The following CAMK2A variants were observed in gnomAD, a reference collection of about 807,000 sequenced individuals.
The protein encoded by CAMK2A is calcium/calmodulin dependent protein kinase II alpha, also known as calcium/calmodulin-dependent protein kinase type II subunit alpha.
Under a neutral mutation model 79.2 loss-of-function variants are expected in CAMK2A, and 7 were observed. The ratio of observed to expected loss-of-function variants is 0.09; its 90% CI spans 0.05 to 0.17. The LOEUF (loss-of-function observed/expected upper bound fraction) is 0.17, where lower values mean the gene tolerates loss of function less well. CAMK2A is among the 10% of genes least tolerant of loss of function. CAMK2A has a pLI of 1.00. For synonymous variants in CAMK2A, 242 were observed against 251.7 expected (o/e 0.96, Z 0.36); for missense variants, 214 against 646.4 (o/e 0.33, Z 7.25).
chr5:150,286,547 G>A (rs1757432842), intron 1 of CAMK2A, among the ~76,000 whole-genome samples: 2 of 152,198 alleles, frequency 1.3e-5, no homozygotes, highest in African/African-American at 4.8e-5. Context: ...AGACCCAAAG[G>A]CTCCCATGTG....
At chr5:150,261,904 G>T (rs1487237802) in intron 3 of CAMK2A, among the ~76,000 whole-genome samples, 1 of 152,162 alleles carries the variant, frequency 6.6e-6, no homozygotes, top group Non-Finnish European at 1.5e-5. Context: ...GGAAGAGTTC[G>T]ATAAATGGAG....
intron 1 of CAMK2A, among the ~76,000 whole-genome samples, chr5:150,274,232 T>C (rs1416067528): frequency 3.3e-5 from 5 of 152,202 alleles, no homozygotes; most frequent in African/African-American, 1.2e-4. Flanking sequence ...CCTCAAACTA[T>C]TAGTAATTAT....
chr5:150,243,269 C>T (rs1201208009), intron 13 of CAMK2A, among the ~76,000 whole-genome samples: 2 of 152,196 alleles, frequency 1.3e-5, no homozygotes, highest in East Asian at 3.8e-4. Flanking sequence ...GTTACCTGGG[C>T]CACAACCCAC....
intron 12 of CAMK2A, 32 bp from the exon 13 acceptor site, chr5:150,245,233 C>G: frequency 6.2e-7 from 1 of 1,610,904 alleles, no homozygotes; most frequent in Non-Finnish European, 8.5e-7. Flanking sequence ...GGGTTAACAA[C>G]GCCAGGCAGG....
chr5:150,268,793 C>A (rs1756616970), intron 2 of CAMK2A, among the ~76,000 whole-genome samples: 1 of 152,164 alleles, frequency 6.6e-6, no homozygotes, highest in Non-Finnish European at 1.5e-5. Flanking sequence ...GGGTCTCACT[C>A]TCATTGTCCA....
At chr5:150,273,262 T>G (rs1756825876) in intron 1 of CAMK2A, 103 bp from the exon 2 acceptor site, 2 of 858,354 alleles carry the variant, frequency 2.3e-6, no homozygotes, top group Non-Finnish European at 3.8e-6. Context: ...ACAGAAGCCC[T>G]TCATCAGAGC....
chr5:150,266,031 C>T (rs1048886680), intron 2 of CAMK2A, among the ~76,000 whole-genome samples: 3 of 152,122 alleles, frequency 2.0e-5, no homozygotes, highest in Non-Finnish European at 4.4e-5. Context: ...GGCTATTCTT[C>T]CAGAGGGCTG....
At chr5:150,239,612 C>T (rs761529552) in intron 14 of CAMK2A, 92 bp downstream of exon 14, 1 of 1,210,704 alleles carries the variant, frequency 8.3e-7, no homozygotes, top group Non-Finnish European at 1.2e-6. Context: ...CCTCTCCCCG[C>T]CCCAGGTTCC....
intron 16 of CAMK2A, among the ~76,000 whole-genome samples, chr5:150,229,889 G>A (rs373452597): frequency 5.9e-5 from 9 of 152,216 alleles, no homozygotes; most frequent in African/African-American, 1.4e-4. Flanking sequence ...ACAAGTGCAT[G>A]CATACACATA....
At chr5:150,250,181 G>T in intron 11 of CAMK2A, 45 bp downstream of exon 11, 2 of 1,436,026 alleles carry the variant, frequency 1.4e-6, no homozygotes, top group South Asian at 1.1e-5. Context: ...GACCCAGGCA[G>T]AGCTAGTCCC....
Position 150,223,805 on chromosome 5 carries a change from A to T in CAMK2A, c.1238-588T>A, listed in dbSNP as rs868426961. ...AGAGAATCTGGAAATCTGAATTTTT[A>T]TATGAAAACTCTTCATTTTTTAGTA... On this transcript the variant is annotated intron_variant, in intron 17 of 18. Transcript: ENST00000671881. This position sits in a 1 kb window ranked among gnomAD's most constrained non-coding sequence, Gnocchi z 4.1. Among the ~76,000 whole-genome samples, 1 of 152,228 alleles carries T rather than the reference A, an allele frequency of 6.6e-6. No homozygotes were observed. Among genetic ancestry groups the T allele is most frequent in the South Asian group, 2.1e-4 (1 of 4,826 alleles).
chr5:150,263,532 GAC>G (rs1756384462), intron 3 of CAMK2A, among the ~76,000 whole-genome samples: 1 of 148,274 alleles, frequency 6.7e-6, no homozygotes, highest in Non-Finnish European at 1.5e-5. Flanking sequence ...CACTTACACA[GAC>G]ACACATTCAC....
intron 10 of CAMK2A, 62 bp downstream of exon 10, chr5:150,250,626 G>A (rs1164170642): frequency 1.9e-6 from 3 of 1,599,230 alleles, no homozygotes; most frequent in Non-Finnish European, 2.6e-6. Context: ...AGAACTCTGT[G>A]GGGGCCTGGA....
chr5:150,248,938 C>T (rs1755705812), intron 11 of CAMK2A, among the ~76,000 whole-genome samples: 1 of 152,198 alleles, frequency 6.6e-6, no homozygotes, highest in South Asian at 2.1e-4. Context: ...TGATTCAGAC[C>T]TGACTTGACA....
chr5:150,262,685 C>G (rs561715997), intron 3 of CAMK2A, among the ~76,000 whole-genome samples: 7 of 152,282 alleles, frequency 4.6e-5, no homozygotes, highest in African/African-American at 1.4e-4. Context: ...TGAGCTTTTA[C>G]CACACACTAG....
At position 150,221,707 on chromosome 5, in the gene CAMK2A, G is replaced by A; in HGVS notation, c.*1003C>T. On this transcript the variant is annotated 3_prime_UTR_variant, in exon 19 of 19. Coordinates refer to ENST00000671881, the MANE Select transcript of CAMK2A (RefSeq NM_015981.4). ...TTCTCCCCGGAGCTGAGTCCACCTT[G>A]GCCCCAATAACCACAGGTGACAAGG... The A allele has an allele frequency of 2.5e-6, 1 of 394,440 alleles. No homozygotes were observed. Among genetic ancestry groups the A allele is most frequent in the Non-Finnish European group, 4.4e-6 (1 of 224,988 alleles). The allele number at this position is 394,440 out of a possible 1,614,324, so 24.4% of individuals were successfully genotyped here.
intron 12 of CAMK2A, among the ~76,000 whole-genome samples, chr5:150,245,602 C>G (rs1331644892): frequency 6.6e-6 from 1 of 152,200 alleles, no homozygotes; most frequent in Non-Finnish European, 1.5e-5. Flanking sequence ...CCCACCCTGG[C>G]CCTCTCTAAT....
Position 150,222,575 on chromosome 5 carries a change from G to T in CAMK2A, c.*135C>A, listed in dbSNP as rs771037753. ...TGAACAAGCAGGTTTTCTTGATGCA[G>T]GTACAGAAGTGACGGTGGTGGGGTG... On this transcript the variant is annotated 3_prime_UTR_variant, in exon 19 of 19. Coordinates refer to ENST00000671881, the MANE Select transcript of CAMK2A (RefSeq NM_015981.4). The T allele has an allele frequency of 6.2e-6, 6 of 967,804 alleles. No homozygotes were observed. Among genetic ancestry groups the T allele is most frequent in the East Asian group, 2.5e-5 (1 of 40,562 alleles). The allele number at this position is 967,804 out of a possible 1,614,324, so 60.0% of individuals were successfully genotyped here.
chr5:150,229,791 C>G (rs1754761769), intron 16 of CAMK2A, among the ~76,000 whole-genome samples: 1 of 152,272 alleles, frequency 6.6e-6, no homozygotes, highest in African/African-American at 2.4e-5. Context: ...CAGCCTATTT[C>G]CATGCTTTTA....
Sources: allele counts gnomAD v4.1 joint callset (sites outside exome capture counted in the v4.1 genomes callset), GRCh38; gene constraint gnomAD v4.1.1; non-coding constraint Gnocchi (gnomAD v3.1); transcripts MANE v1.5; gene names NCBI Gene and HGNC (gene_info 2026-07-23, HGNC 2026-07-21).